The following XRCC5 variants were observed in gnomAD, a reference collection of about 807,000 sequenced individuals.
XRCC5 encodes X-ray repair cross complementing 5.
XRCC5 carries 12 observed loss-of-function variants against 95.7 expected under a neutral mutation model. The observed-to-expected ratio is 0.13, with a 90% CI of 0.08 to 0.20. The LOEUF (loss-of-function observed/expected upper bound fraction) is 0.20, where lower values mean the gene tolerates loss of function less well. Among genes scored for constraint, XRCC5 ranks in the 10% least tolerant of loss-of-function variants. XRCC5 has a pLI of 1.00. For synonymous variants in XRCC5, 281 were observed against 290.3 expected (o/e 0.97, Z 0.33); for missense variants, 595 against 873.9 (o/e 0.68, Z 4.02).
In XRCC5 at chr2:216,113,452, C is replaced by A. The variant is rs41296932; in HGVS notation, c.135+323C>A. Among the ~76,000 whole-genome samples the A allele has an allele frequency of 4.1e-3, 630 of 152,300 alleles. 2 individuals carry two copies. The highest frequency in any genetic ancestry group is 0.014 in the African/African-American group (602 of 41,566). ...TTGCTCTGCCATGTCATTTACTAAC[C>A]TTCTGATGTTGAACAAGTCCCTCAA... On this transcript the variant is annotated intron_variant, in intron 2 of 20. Coordinates refer to ENST00000392132, the MANE Select transcript of XRCC5 (RefSeq NM_021141.4).
chr2:216,119,213 A>G (rs756482778), intron 5 of XRCC5, 48 bp downstream of exon 5: 9 of 1,605,158 alleles, frequency 5.6e-6, no homozygotes, highest in Middle Eastern at 3.3e-4. Flanking sequence ...TGATTTCCTA[A>G]TATAGTGAAT....
intron 14 of XRCC5, among the ~76,000 whole-genome samples, chr2:216,157,869 A>G (rs1688876053): frequency 6.6e-6 from 1 of 152,212 alleles, no homozygotes; most frequent in South Asian, 2.1e-4. Context: ...TACTTTCTAG[A>G]GCTTAGCGCC....
chr2:216,172,557 C>T (rs1334553783), intron 16 of XRCC5, among the ~76,000 whole-genome samples: 2 of 148,012 alleles, frequency 1.4e-5, no homozygotes, highest in Non-Finnish European at 3.0e-5. Flanking sequence ...TAGCCTCCAC[C>T]TCCCGGGTTC....
intron 16 of XRCC5, among the ~76,000 whole-genome samples, chr2:216,189,504 G>A (rs939162089): frequency 6.6e-6 from 1 of 152,146 alleles, no homozygotes; most frequent in African/African-American, 2.4e-5. Context: ...TTTGTAAGGT[G>A]TAATCTACTT....
In XRCC5 at chr2:216,119,030, C is replaced by T. The variant is rs1398451705; in HGVS notation, c.369-13C>T. ...GGAGAATGATTTCTTAATATGATAA[C>T]TCTCTCTTTTAGAGGAAAGAAGTTT... On this transcript the variant is annotated splice_polypyrimidine_tract_variant and intron_variant, in intron 4 of 20. Transcript: ENST00000392132. The T allele has an allele frequency of 6.2e-7, 1 of 1,612,104 alleles. No homozygotes were observed. Among genetic ancestry groups the T allele is most frequent in the Non-Finnish European group, 8.5e-7 (1 of 1,178,726 alleles).
intron 19 of XRCC5, among the ~76,000 whole-genome samples, chr2:216,202,791 A>C (rs1689863670): frequency 6.6e-6 from 1 of 152,244 alleles, no homozygotes. Flanking sequence ...TGAGTCAACA[A>C]ACAATTATGT....
chr2:216,112,733 A>T (rs1696611183), intron 1 of XRCC5, among the ~76,000 whole-genome samples: 1 of 152,200 alleles, frequency 6.6e-6, no homozygotes, highest in Non-Finnish European at 1.5e-5. Context: ...TGTACTCATC[A>T]TGGGTTTATT....
At chr2:216,141,458 C>CA (rs1270950774) in intron 13 of XRCC5, 139 bp downstream of exon 13, 2 of 657,866 alleles carry the variant, frequency 3.0e-6, no homozygotes, top group African/African-American at 3.8e-5. Flanking sequence ...GGAAGAATAA[C>CA]ATCTTCCTCT....
chr2:216,175,212 G>C, intron 16 of XRCC5: 1 of 365,850 alleles, frequency 2.7e-6, no homozygotes, highest in South Asian at 2.2e-5. Context: ...CACCATTGTT[G>C]CCCACCGTCA....
At chr2:216,143,416 C>T (rs1697201768) in intron 13 of XRCC5, among the ~76,000 whole-genome samples, 3 of 152,102 alleles carry the variant, frequency 2.0e-5, no homozygotes. Flanking sequence ...AAAAGAGAAA[C>T]TTCTATTAAT....
chr2:216,177,522 G>A (rs1327960922), intron 16 of XRCC5, among the ~76,000 whole-genome samples: 1 of 152,140 alleles, frequency 6.6e-6, no homozygotes, highest in South Asian at 2.1e-4. Context: ...CCTCTGCTTC[G>A]AGGGAAAAAT....
chr2:216,176,028 T>TC (rs1202538846), intron 16 of XRCC5: 1 of 196,122 alleles, frequency 5.1e-6, no homozygotes, highest in Admixed American at 6.1e-5. Context: ...TGGTTTTACC[T>TC]CCATTTTAAG....
In XRCC5 at chr2:216,168,803, G is replaced by A. The variant is rs531616883; in HGVS notation, c.1834+6755G>A. On this transcript the variant is annotated intron_variant, in intron 16 of 20. Transcript: ENST00000392132. Reference sequence around the variant, plus strand: ...AGCAAGGCCAAGTGGACCCTAGATCGCATATAAGTTACAGTAAGTATTATT... The same window carrying A: ...AGCAAGGCCAAGTGGACCCTAGATCACATATAAGTTACAGTAAGTATTATT... 3.5e-4 allele frequency among the ~76,000 whole-genome samples: 53 copies of A among 152,304 alleles called. 1 individual carries two copies. The highest frequency in any genetic ancestry group is 1.3e-3 in the African/African-American group (52 of 41,582).
At chr2:216,168,932 T>C (rs1023072735) in intron 16 of XRCC5, among the ~76,000 whole-genome samples, 5 of 152,268 alleles carry the variant, frequency 3.3e-5, no homozygotes, top group Non-Finnish European at 7.3e-5. Flanking sequence ...CTGGATTTTT[T>C]ACTTAGCCAT....
At chr2:216,111,337 C>T (rs938729582) in intron 1 of XRCC5, 5 of 438,204 alleles carry the variant, frequency 1.1e-5, no homozygotes, top group Admixed American at 2.4e-5. Flanking sequence ...GCCTGGGCAA[C>T]ACAGTGAGAC....
chr2:216,175,723 C>T (rs1276474327), intron 16 of XRCC5: 4 of 448,348 alleles, frequency 8.9e-6, no homozygotes, highest in African/African-American at 6.2e-5. Flanking sequence ...ACTCCACACC[C>T]ATCAACCTTG....
At chr2:216,128,304 A>G (rs1228878871) in intron 8 of XRCC5, among the ~76,000 whole-genome samples, 2 of 152,204 alleles carry the variant, frequency 1.3e-5, no homozygotes, top group Non-Finnish European at 2.9e-5. Context: ...GAGTCCTTAG[A>G]TAAATGTTTT....
chr2:216,116,616 A>T, intron 2 of XRCC5, 43 bp from the exon 3 acceptor site: 1 of 1,612,208 alleles, frequency 6.2e-7, no homozygotes, highest in Non-Finnish European at 8.5e-7. Flanking sequence ...TTGCTTCCAG[A>T]TTGTTCTAAT....
At chr2:216,138,663 T>A (rs1697126882) in intron 12 of XRCC5, among the ~76,000 whole-genome samples, 1 of 152,214 alleles carries the variant, frequency 6.6e-6, no homozygotes, top group Non-Finnish European at 1.5e-5. Flanking sequence ...TACTTCAGGC[T>A]TGATGTGAAA....
Sources: gnomAD v4.1 joint callset for allele counts (sites outside exome capture counted in the v4.1 genomes callset) on GRCh38, gnomAD v4.1.1 for gene constraint, MANE v1.5 for transcripts, NCBI Gene and HGNC (gene_info 2026-07-23, HGNC 2026-07-21) for gene names.